METTL8: variants seen among roughly 807,000 people sequenced by gnomAD.
METTL8 encodes tRNA N(3)-cytidine methyltransferase METTL8, mitochondrial.
METTL8 carries 32 observed loss-of-function variants against 48.7 expected under a neutral mutation model. That is an observed-to-expected ratio of 0.66 (90% confidence interval 0.50 to 0.88). The LOEUF is 0.88. METTL8 is among the 40% of genes least tolerant of loss of function. METTL8 has a pLI of 0.00. For missense variants in METTL8, 464 were observed against 474.4 expected (o/e 0.98, Z 0.20); for synonymous variants, 136 against 157.1 (o/e 0.87, Z 1.01).
At chr2:171,359,376 A>G (rs1274744393) in intron 3 of METTL8, among the ~76,000 whole-genome samples, 1 of 152,178 alleles carries the variant, frequency 6.6e-6, no homozygotes, top group African/African-American at 2.4e-5. Flanking sequence ...GATGCTGGTG[A>G]GGATGTGAAA....
Position 171,360,404 on chromosome 2 carries a change from C to T in METTL8, c.235+18G>A, listed in dbSNP as rs755779498. ...ACTAAAGCTCTGGCTCTAGGAGCTA[C>T]AGCACGCAGTTGACTACCTTGCTCT... On this transcript the variant is annotated intron_variant, in intron 3 of 9. Coordinates refer to ENST00000375258, the MANE Select transcript of METTL8 (RefSeq NM_001321154.2). 25 of 1,606,874 alleles carry T rather than the reference C, an allele frequency of 1.6e-5. No individual in the cohort carries two copies. The South Asian group carries it at 2.2e-4, about 14-fold the overall frequency.
At position 171,330,662 on chromosome 2, in the gene METTL8, AGGCAAAACACT is replaced by A; in HGVS notation, c.746_756del (p.Gln249LeufsTer4). 6.2e-7 allele frequency: 1 copy of A among 1,613,766 alleles called. No homozygotes were observed. The highest frequency in any genetic ancestry group is 8.5e-7 in the Non-Finnish European group (1 of 1,179,874). On this transcript the variant is annotated frameshift_variant, in exon 7 of 10. Coordinates refer to ENST00000375258, the MANE Select transcript of METTL8 (RefSeq NM_001321154.2). LOFTEE classifies it high-confidence loss of function. ...CCATCATCACATACATCATGAACAA[AGGCAAAACACT>A]GGGTTGCTCTGTAGGACGAGTGTGA...
At position 171,326,009 on chromosome 2, in the gene METTL8, T is replaced by C. The variant is rs1034546871; in HGVS notation, c.967+33A>G. The C allele has an allele frequency of 5.7e-6, 8 of 1,404,462 alleles. No individual in the cohort carries two copies. The African/African-American group carries it at 1.0e-4, about 18-fold the overall frequency. The allele number at this position is 1,404,462 out of a possible 1,614,324, so 87.0% of individuals were successfully genotyped here. On this transcript the variant is annotated intron_variant, in intron 8 of 9. Transcript: ENST00000375258. ...ATAAACAAGGCATTCTTTAGAACATTTAAAAATAACCTCAAACTGAATATA... is the reference window on the plus strand; with the variant it reads ...ATAAACAAGGCATTCTTTAGAACATCTAAAAATAACCTCAAACTGAATATA...
chr2:171,398,559 G>A (rs1460466052), intron 1 of METTL8, among the ~76,000 whole-genome samples: 9 of 152,044 alleles, frequency 5.9e-5, no homozygotes, highest in Admixed American at 5.9e-4. Context: ...GAGGAAACGG[G>A]GAGACGTAGA....
intron 9 of METTL8, 119 bp downstream of exon 9, chr2:171,325,722 C>T: frequency 1.5e-6 from 1 of 650,862 alleles, no homozygotes; most frequent in Non-Finnish European, 2.7e-6. Flanking sequence ...AGTATGAAGA[C>T]ATCTAATGCT....
At position 171,322,256 on chromosome 2, in the gene METTL8, C is replaced by A. The variant is rs1684560316; in HGVS notation, c.*1916G>T. The A allele has an allele frequency of 6.6e-6, 1 of 151,930 alleles. No individual in the cohort carries two copies. The allele number at this position is 151,930 out of a possible 1,614,324, so 9.4% of individuals were successfully genotyped here. Reference sequence around the variant, plus strand: ...GGGATTACGGGCTTGAGCGACTGCGCCCGGCCCTCGAGGGGATAAATACAT... The same window carrying A: ...GGGATTACGGGCTTGAGCGACTGCGACCGGCCCTCGAGGGGATAAATACAT... On this transcript the variant is annotated 3_prime_UTR_variant, in exon 10 of 10. Transcript: ENST00000375258.
At position 171,323,844 on chromosome 2, in the gene METTL8, A is replaced by C. The variant is rs1194503233; in HGVS notation, c.*328T>G. 1 of 190,894 alleles carries C rather than the reference A, an allele frequency of 5.2e-6. No individual in the cohort carries two copies. The highest frequency in any genetic ancestry group is 2.3e-5 in the African/African-American group (1 of 42,966). The allele number at this position is 190,894 out of a possible 1,614,324, so 11.8% of individuals were successfully genotyped here. A position where few individuals can be genotyped will look rare whatever the true frequency, so the allele number is the denominator to read the frequency against. Reference sequence around the variant, plus strand: ...AAATAAACAATTTTTTTTACTTGCAAAAAATGTCAAGTTACATTTTCTCAA... The same window carrying C: ...AAATAAACAATTTTTTTTACTTGCACAAAATGTCAAGTTACATTTTCTCAA... On this transcript the variant is annotated 3_prime_UTR_variant, in exon 10 of 10. Coordinates refer to ENST00000375258, the MANE Select transcript of METTL8 (RefSeq NM_001321154.2).
chr2:171,336,936 C>G (rs372014055), intron 5 of METTL8, among the ~76,000 whole-genome samples: 1 of 134,648 alleles, frequency 7.4e-6, no homozygotes, highest in Non-Finnish European at 1.5e-5. Context: ...ATGGCGCAGT[C>G]GGGTCACTGC....
intron 1 of METTL8, among the ~76,000 whole-genome samples, chr2:171,393,897 A>G (rs1423952062): frequency 6.6e-6 from 1 of 152,106 alleles, no homozygotes; most frequent in East Asian, 1.9e-4. Flanking sequence ...TCCTTTTGGA[A>G]AAAAAAAGTG....
intron 7 of METTL8, 59 bp from the exon 8 acceptor site, chr2:171,326,207 G>A: frequency 1.1e-6 from 1 of 906,640 alleles, no homozygotes; most frequent in Admixed American, 2.7e-5. Flanking sequence ...TTTATATGCT[G>A]GATTTAACTT....
intron 1 of METTL8, among the ~76,000 whole-genome samples, chr2:171,393,407 C>CA (rs10629650): frequency 0.66 from 68,666 of 104,124 alleles, 24,328 homozygotes; most frequent in East Asian, 0.9. Context: ...TATAAAAAAG[C>CA]AAAAAAAAAA....
chr2:171,414,691 G>T (rs1691115626), intron 1 of METTL8: 1 of 150,802 alleles, frequency 6.6e-6, no homozygotes, highest in Non-Finnish European at 1.5e-5. Flanking sequence ...TTGCACCACT[G>T]CACTCCAGCC....
chr2:171,404,485 T>C (rs909949521), intron 1 of METTL8, among the ~76,000 whole-genome samples: 3 of 152,104 alleles, frequency 2.0e-5, no homozygotes, highest in Non-Finnish European at 4.4e-5. Flanking sequence ...ATTCACTTCC[T>C]GGGCAGGACA....
chr2:171,368,435 A>T (rs913914175), intron 2 of METTL8, among the ~76,000 whole-genome samples: 6 of 152,232 alleles, frequency 3.9e-5, no homozygotes, highest in African/African-American at 2.4e-5. Flanking sequence ...TCACATTAAG[A>T]AAAACAAATT....
chr2:171,338,893 A>C (rs1288481477), intron 4 of METTL8, among the ~76,000 whole-genome samples: 1 of 152,184 alleles, frequency 6.6e-6, no homozygotes, highest in Non-Finnish European at 1.5e-5. Context: ...GAGAGTAAAA[A>C]TTAAGGCCAA....
intron 5 of METTL8, 119 bp downstream of exon 5, chr2:171,337,334 C>CCATT: frequency 1.6e-6 from 1 of 631,628 alleles, no homozygotes; most frequent in Non-Finnish European, 2.6e-6. Context: ...TTTGCTTGAG[C>CCATT]CATTGTTCAT....
At chr2:171,387,563 A>G (rs572823523) in intron 2 of METTL8, among the ~76,000 whole-genome samples, 4 of 151,854 alleles carry the variant, frequency 2.6e-5, no homozygotes, top group Middle Eastern at 3.4e-3. Context: ...ATTTTTTTTT[A>G]AATATATATA....
chr2:171,418,415 T>C (rs762606729), intron 1 of METTL8, among the ~76,000 whole-genome samples: 34 of 152,212 alleles, frequency 2.2e-4, no homozygotes, highest in Non-Finnish European at 4.3e-4. Flanking sequence ...GAAATCATTA[T>C]GCAGAGCCCA....
At chr2:171,374,865 A>C (rs1574036183) in intron 2 of METTL8, 2 of 769,048 alleles carry the variant, frequency 2.6e-6, no homozygotes, top group East Asian at 4.9e-5. Context: ...TTTTTTTTTA[A>C]GTACAATTTC....
Sources: allele counts gnomAD v4.1 joint callset (sites outside exome capture counted in the v4.1 genomes callset), GRCh38; gene constraint gnomAD v4.1.1; transcripts MANE v1.5; gene names NCBI Gene and HGNC (gene_info 2026-07-23, HGNC 2026-07-21).